NEDD4: variants seen among roughly 807,000 people sequenced by gnomAD.
NEDD4 encodes the protein NEDD4 E3 ubiquitin protein ligase.
A neutral mutation model predicts 144.9 loss-of-function variants in NEDD4; 99 were observed. The ratio of observed to expected loss-of-function variants is 0.68; its 90% confidence interval spans 0.58 to 0.81. The LOEUF is 0.81. NEDD4 is among the 30% of genes least tolerant of loss of function. NEDD4 has a pLI of 0.00. For missense variants in NEDD4, 985 were observed against 1,065.9 expected (o/e 0.92, Z 1.06); for synonymous variants, 318 against 350.6 (o/e 0.91, Z 1.04).
chr15:55,841,890 G>A (rs781313588), intron 19 of NEDD4, 44 bp downstream of exon 19: 2 of 1,532,200 alleles, frequency 1.3e-6, no homozygotes, highest in East Asian at 4.5e-5. Context: ...TTTTAAAACA[G>A]TGATTTTTCT....
intron 1 of NEDD4, among the ~76,000 whole-genome samples, chr15:55,988,444 T>C (rs1172149681): frequency 8.3e-6 from 1 of 120,102 alleles, no homozygotes; most frequent in African/African-American, 3.4e-5. Flanking sequence ...CTGCGCAATG[T>C]GCACATGTAC....
chr15:55,851,508 C>T (rs1168612295), intron 13 of NEDD4, among the ~76,000 whole-genome samples: 1 of 151,310 alleles, frequency 6.6e-6, no homozygotes, highest in African/African-American at 2.4e-5. Context: ...TGGAGTTTCG[C>T]TCTTGTTGCC....
chr15:55,828,340 C>T lies in NEDD4; in HGVS notation c.*1557G>A, dbSNP rs1326994434. On this transcript the variant is annotated 3_prime_UTR_variant, in exon 29 of 29. Transcript: ENST00000435532. The stretch of plus-strand genomic sequence containing the variant: ...TCGTAACATATATTTACAATTATTC[C>T]TAAATCACCAAGATACCATACTGAG... 2 of 151,864 alleles carry T rather than the reference C, an allele frequency of 1.3e-5. No individual in the cohort carries two copies. The highest frequency in any genetic ancestry group is 2.9e-5 in the Non-Finnish European group (2 of 67,994). 9.4% of individuals were successfully genotyped at this position (151,864 alleles called of 1,614,324 possible). A position where few individuals can be genotyped will look rare whatever the true frequency, so the allele number is the denominator to read the frequency against.
chr15:55,973,172 G>A (rs1208386125), intron 1 of NEDD4, among the ~76,000 whole-genome samples: 1 of 152,214 alleles, frequency 6.6e-6, no homozygotes. Context: ...TCCAATGGCT[G>A]CATAATACAT....
In NEDD4 at chr15:55,983,311, C is replaced by T. The variant is rs117329472; in HGVS notation, c.45+10200G>A. 1.2e-3 allele frequency among the ~76,000 whole-genome samples: 185 copies of T among 152,156 alleles called. 3 individuals are homozygous for T. The East Asian group carries it at 0.016, about 13-fold the overall frequency. On this transcript the variant is annotated intron_variant, in intron 1 of 28. Transcript: ENST00000435532. ...GTGTGTGTGTGTGTGCGTGCGCGCG[C>T]GTGCGTGCATTTGATTTCCATGCTA...
chr15:55,907,384 C>T (rs17819294), intron 5 of NEDD4, among the ~76,000 whole-genome samples: 115,286 of 152,098 alleles, frequency 0.76, 43,845 homozygotes, highest in Admixed American at 0.81. Context: ...TGGGCAATCA[C>T]ATATCTCAAT....
intron 5 of NEDD4, among the ~76,000 whole-genome samples, chr15:55,878,287 T>C (rs1275122712): frequency 2.6e-5 from 4 of 152,126 alleles, no homozygotes; most frequent in African/African-American, 9.7e-5. Context: ...GATCAATTCA[T>C]AAAATATTAC....
chr15:55,935,380 G>C (rs2036865455), intron 4 of NEDD4, among the ~76,000 whole-genome samples: 1 of 151,906 alleles, frequency 6.6e-6, no homozygotes, highest in Non-Finnish European at 1.5e-5. Flanking sequence ...TGTCTGTCAG[G>C]GATAGACAGC....
At chr15:55,858,422 C>G (rs1345122221) in intron 11 of NEDD4, among the ~76,000 whole-genome samples, 1 of 152,112 alleles carries the variant, frequency 6.6e-6, no homozygotes, top group Non-Finnish European at 1.5e-5. Context: ...TTCTTCCAAT[C>G]TCAGCCTCCC....
At chr15:55,831,455 C>T (rs775120312) in intron 27 of NEDD4, among the ~76,000 whole-genome samples, 6 of 151,930 alleles carry the variant, frequency 3.9e-5, no homozygotes, top group South Asian at 2.1e-4. Flanking sequence ...AGGCCAGAGA[C>T]GGAAAGGGGC....
At chr15:55,986,556 C>A (rs536956952) in intron 1 of NEDD4, among the ~76,000 whole-genome samples, 9 of 145,614 alleles carry the variant, frequency 6.2e-5, no homozygotes, top group Non-Finnish European at 1.0e-4. Flanking sequence ...TGAGAAACAT[C>A]GTAGGATGTA....
intron 4 of NEDD4, among the ~76,000 whole-genome samples, chr15:55,940,360 T>C (rs750332686): frequency 6.6e-6 from 1 of 152,204 alleles, no homozygotes; most frequent in African/African-American, 2.4e-5. Flanking sequence ...CCTATCAAAC[T>C]GTATGAATTA....
At position 55,848,584 on chromosome 15, in the gene NEDD4, A is replaced by G; in HGVS notation, c.1429-9T>C. 1.2e-6 allele frequency: 2 copies of G among 1,608,466 alleles called. No homozygotes were observed. Among genetic ancestry groups the G allele is most frequent in the Non-Finnish European group, 1.7e-6 (2 of 1,175,438 alleles). ...CTCTCTTCCCATCCTGGCTATAATTAAAAATGTATTTCAATTATTTTAGGA... is the reference window on the plus strand; with the variant it reads ...CTCTCTTCCCATCCTGGCTATAATTGAAAATGTATTTCAATTATTTTAGGA... On this transcript the variant is annotated splice_polypyrimidine_tract_variant and intron_variant, in intron 15 of 28. Coordinates refer to ENST00000435532, the MANE Select transcript of NEDD4 (RefSeq NM_006154.4).
rs145647343 is a variant in NEDD4 at position 55,848,861 on chromosome 15, G to C, written c.1373C>G (p.Ala458Gly). ...AAGTGATGTCTTTCCTCTCAGATGG[G>C]CTGGAATTTTCAATCTTGGATCTTC... ...TWEDPRLKIP[A>G]HLRGKTSLDT... Residue 458 changes from alanine to glycine, a missense_variant, in exon 15 of 29, where the codon GCC (alanine) becomes GGC (glycine). Ala to Gly is a moderately conservative substitution (Grantham distance 60). Transcript: ENST00000435532. The C allele has an allele frequency of 1.9e-6, 3 of 1,613,580 alleles. No individual in the cohort carries two copies. Among genetic ancestry groups the C allele is most frequent in the East Asian group, 2.2e-5 (1 of 44,798 alleles).
At chr15:55,988,889 A>G (rs2037942368) in intron 1 of NEDD4, among the ~76,000 whole-genome samples, 1 of 152,210 alleles carries the variant, frequency 6.6e-6, no homozygotes, top group Non-Finnish European at 1.5e-5. Flanking sequence ...CTGTATGAGA[A>G]GAATACTGGA....
At chr15:55,846,862 C>G in intron 18 of NEDD4, 107 bp downstream of exon 18, 1 of 651,844 alleles carries the variant, frequency 1.5e-6, no homozygotes, top group Non-Finnish European at 2.5e-6. Context: ...ACTGTTCACT[C>G]AAAGTTGTTA....
intron 26 of NEDD4, among the ~76,000 whole-genome samples, chr15:55,833,584 A>G (rs945585818): frequency 1.3e-5 from 2 of 152,078 alleles, no homozygotes; most frequent in African/African-American, 4.8e-5. Context: ...TTGCTTGAAC[A>G]TGGGAGGTGG....
chr15:55,931,241 A>T (rs543410426), intron 4 of NEDD4, among the ~76,000 whole-genome samples: 1 of 152,224 alleles, frequency 6.6e-6, no homozygotes, highest in Non-Finnish European at 1.5e-5. Context: ...TTGGAAATCA[A>T]CTTGGAACAT....
rs1414272671 is a variant in NEDD4 at position 55,898,862 on chromosome 15, G to C, written c.292-24854C>G. Among the ~76,000 whole-genome samples, 3 of 152,146 alleles carry C rather than the reference G, an allele frequency of 2.0e-5. No individual in the cohort carries two copies. The East Asian group carries it at 5.8e-4, about 29-fold the overall frequency. On this transcript the variant is annotated intron_variant, in intron 5 of 28. Coordinates refer to ENST00000435532, the MANE Select transcript of NEDD4 (RefSeq NM_006154.4). ...TCACTCTGTTGCCCAGGCTGGTCTT[G>C]AACTCCTGGGCTAAAGTGATCCTCC...
Sources: allele counts gnomAD v4.1 joint callset (sites outside exome capture counted in the v4.1 genomes callset), GRCh38; gene constraint gnomAD v4.1.1; transcripts MANE v1.5; gene names NCBI Gene and HGNC (gene_info 2026-07-23, HGNC 2026-07-21).